Variants in MTERF4 observed in about 807,000 individuals in gnomAD.
The protein encoded by MTERF4 is mitochondrial transcription termination factor 4, also known as transcription termination factor 4, mitochondrial.
Under a neutral mutation model 22.5 loss-of-function variants are expected in MTERF4, and 17 were observed. The ratio of observed to expected loss-of-function variants is 0.75; its 90% CI spans 0.52 to 1.13. The LOEUF is 1.13. MTERF4 is among the 50% of genes most tolerant of loss of function. The pLI is 0.00. For synonymous variants in MTERF4, 165 were observed against 175.3 expected (o/e 0.94, Z 0.47); for missense variants, 420 against 466.8 (o/e 0.90, Z 0.92).
chr2:241,084,684 GT>G (rs1477892738), downstream of MTERF4, among the ~76,000 whole-genome samples: 3 of 151,982 alleles, frequency 2.0e-5, no homozygotes, highest in African/African-American at 7.3e-5. Flanking sequence ...AAAGTATTTT[GT>G]ATTTATTGTA....
chr2:241,082,586 T>A (rs1283743806), downstream of MTERF4, among the ~76,000 whole-genome samples: 1 of 152,200 alleles, frequency 6.6e-6, no homozygotes, highest in Non-Finnish European at 1.5e-5. Context: ...GAGCAGGGGC[T>A]GAGAAGAACG....
At chr2:241,062,751 C>T in the MTERF4 span, 18 of 1,397,318 alleles carry the variant, frequency 1.3e-5, no homozygotes, top group African/African-American at 4.2e-5. Flanking sequence ...TTGGCTTAAT[C>T]GTGGCCACAT....
chr2:241,064,937 C>G, the MTERF4 span: 1 of 1,583,820 alleles, frequency 6.3e-7, no homozygotes. This position sits in a 1 kb window ranked among gnomAD's most constrained non-coding sequence, Gnocchi z 7.0. Context: ...GTGGGCTACA[C>G]GGGCGAGGAC....
chr2:241,088,178 G>A, downstream of MTERF4: 1 of 589,244 alleles, frequency 1.7e-6, no homozygotes, highest in Non-Finnish European at 3.1e-6. Flanking sequence ...ACTGCCTCAA[G>A]CCAGGCGGGC....
the MTERF4 span, among the ~76,000 whole-genome samples, chr2:241,057,830 A>G: frequency 2.6e-5 from 4 of 152,240 alleles, no homozygotes; most frequent in African/African-American, 9.6e-5. Context: ...TTTCTGAAAG[A>G]AGTAAGATAA....
At chr2:241,049,166 CG>C in the MTERF4 span, 8 of 1,555,372 alleles carry the variant, frequency 5.1e-6, no homozygotes, top group Admixed American at 1.8e-5. Context: ...CCTGCTGGGC[CG>C]GGGGCCCGGA....
At chr2:241,085,384 CAA>C (rs1206184821), downstream of MTERF4, among the ~76,000 whole-genome samples, 1 of 152,178 alleles carries the variant, frequency 6.6e-6, no homozygotes, top group Non-Finnish European at 1.5e-5. Context: ...TCCTGTTCAA[CAA>C]AAGTTTTATT....
the MTERF4 span, chr2:241,051,641 C>A: frequency 5.3e-6 from 5 of 934,776 alleles, no homozygotes; most frequent in Non-Finnish European, 7.6e-6. This position sits in a 1 kb window ranked among gnomAD's most constrained non-coding sequence, Gnocchi z 4.7. Flanking sequence ...GTCGAGAAGG[C>A]CCCACCAGCA....
At chr2:241,054,560 C>G in the MTERF4 span, among the ~76,000 whole-genome samples, 12 of 152,058 alleles carry the variant, frequency 7.9e-5, no homozygotes, top group Non-Finnish European at 1.0e-4. Context: ...AGAGCAAGAC[C>G]CCACCTCATA....
Position 241,096,990 on chromosome 2 carries a change from T to C in MTERF4, c.705+253A>G. On this transcript the variant is annotated intron_variant, in intron 3 of 3. Transcript: ENST00000391980. The surrounding 1 kb of genome is among the most constrained non-coding windows in gnomAD (Gnocchi z 5.1). Reference sequence around the variant, plus strand: ...AAAGTTGAAGAATAGGTTTGATCTGTAGTAAAGAAATTAAAGATTTCTCTT... The same window carrying C: ...AAAGTTGAAGAATAGGTTTGATCTGCAGTAAAGAAATTAAAGATTTCTCTT... 2 of 594,126 alleles carry C rather than the reference T, an allele frequency of 3.4e-6. No individual in the cohort carries two copies. Among genetic ancestry groups the C allele is most frequent in the East Asian group, 2.8e-5 (1 of 35,922 alleles). 36.8% of individuals were successfully genotyped at this position (594,126 alleles called of 1,614,324 possible).
downstream of MTERF4, chr2:241,087,567 G>A (rs1044765142): frequency 6.7e-7 from 1 of 1,485,758 alleles, no homozygotes; most frequent in Non-Finnish European, 8.9e-7. Context: ...CTGCAGGCCT[G>A]TGGGCTGAGC....
In MTERF4 at chr2:241,073,341, A is replaced by C. The variant is rs2062835602; in HGVS notation, n.2821T>G. Reference sequence around the variant, plus strand: ...GTCAGCCTGGCCCTCCAGCTCCCTGAACACGGCAGCAAGGACATCGGAAGT... The same window carrying C: ...GTCAGCCTGGCCCTCCAGCTCCCTGCACACGGCAGCAAGGACATCGGAAGT... On this transcript the variant is annotated non_coding_transcript_exon_variant, in exon 5 of 5. Coordinates refer to the MTERF4 transcript ENST00000464344. This position sits in a 1 kb window ranked among gnomAD's most constrained non-coding sequence, Gnocchi z 6.6. 6.4e-7 allele frequency: 1 copy of C among 1,573,390 alleles called. No homozygotes were observed. The highest frequency in any genetic ancestry group is 1.2e-5 in the South Asian group (1 of 85,332).
chr2:241,069,014 G>T, downstream of MTERF4: 2 of 1,550,010 alleles, frequency 1.3e-6, no homozygotes, highest in Non-Finnish European at 1.7e-6. This position sits in a 1 kb window ranked among gnomAD's most constrained non-coding sequence, Gnocchi z 4.9. Context: ...GCCGACGCAC[G>T]TGTGGACCCG....
At chr2:241,045,760 G>A in the MTERF4 span, among the ~76,000 whole-genome samples, 1 of 150,342 alleles carries the variant, frequency 6.7e-6, no homozygotes, top group Non-Finnish European at 1.5e-5. Flanking sequence ...AGTGTTCTTA[G>A]ATAAGACAGC....
downstream of MTERF4, chr2:241,090,569 T>C: frequency 8.7e-7 from 1 of 1,143,408 alleles, no homozygotes; most frequent in Non-Finnish European, 1.2e-6. Context: ...GGCAGTGCAG[T>C]AGGTTTGTAT....
intron 4 of MTERF4, among the ~76,000 whole-genome samples, chr2:241,080,615 A>G (rs997323819): frequency 3.9e-5 from 6 of 152,240 alleles, no homozygotes; most frequent in Non-Finnish European, 5.9e-5. Flanking sequence ...GAGGGCGGGG[A>G]GCCAACCTGA....
chr2:241,096,070 C>T lies in MTERF4; in HGVS notation c.1074G>A (p.Glu358=), dbSNP rs1447737849. Residue 358 remains glutamate (E), a synonymous_variant, in exon 4 of 4, where the codon GAG becomes GAA. Transcript: ENST00000391980. The surrounding 1 kb of genome is among the most constrained non-coding windows in gnomAD (Gnocchi z 5.1). ...EEDNDEDDND[E]DDDDEDDDEA... is the part of the protein sequence containing the mutation. ...CGTCGTCGTCCTCATCATCGTCATC[C>T]TCATCATTGTCATCCTCATCATTGT... The T allele has an allele frequency of 1.2e-6, 2 of 1,611,068 alleles. No individual in the cohort carries two copies. Among genetic ancestry groups the T allele is most frequent in the Non-Finnish European group, 1.7e-6 (2 of 1,179,268 alleles).
At chr2:241,076,789 G>A (rs891845856) in intron 4 of MTERF4, among the ~76,000 whole-genome samples, 1 of 151,942 alleles carries the variant, frequency 6.6e-6, no homozygotes, top group Non-Finnish European at 1.5e-5. Flanking sequence ...TGTAATCCGT[G>A]GAAAAGAACT....
At chr2:241,060,285 C>T in the MTERF4 span, among the ~76,000 whole-genome samples, 9 of 151,768 alleles carry the variant, frequency 5.9e-5, no homozygotes, top group Non-Finnish European at 1.3e-4. Context: ...CTGGTTCAAG[C>T]GATTCTCCTG....
Sources: gnomAD v4.1 joint callset for allele counts (sites outside exome capture counted in the v4.1 genomes callset) on GRCh38, gnomAD v4.1.1 for gene constraint, Gnocchi (gnomAD v3.1) non-coding constraint, MANE v1.5 for transcripts, NCBI Gene and HGNC (gene_info 2026-07-23, HGNC 2026-07-21) for gene names.